The following PACRG variants were observed in gnomAD, a reference collection of about 807,000 sequenced individuals.
PACRG encodes parkin coregulated gene protein.
A neutral mutation model predicts 29.7 loss-of-function variants in PACRG; 29 were observed. That is an observed-to-expected ratio of 0.98 (90% confidence interval 0.73 to 1.33). PACRG has a LOEUF of 1.33. Ranked by LOEUF, PACRG falls within the 40% of genes most tolerant of loss-of-function variation. The pLI, the probability that PACRG is intolerant of heterozygous loss-of-function variation, is 0.00. For synonymous variants in PACRG, 116 were observed against 118.7 expected, an observed-to-expected ratio of 0.98 and a Z score of 0.15; for missense variants, 279 against 316.2, an observed-to-expected ratio of 0.88 and a Z score of 0.89.
At chr6:162,917,990 A>G (rs1796813403) in intron 2 of PACRG, among the ~76,000 whole-genome samples, 1 of 152,168 alleles carries the variant, frequency 6.6e-6, no homozygotes, top group Non-Finnish European at 1.5e-5. Context: ...ACTTAGTTAA[A>G]TTATCTAAAA....
intron 4 of PACRG, among the ~76,000 whole-genome samples, chr6:163,174,231 CA>C (rs200099919): frequency 0.084 from 12,821 of 151,728 alleles, 558 homozygotes; most frequent in South Asian, 0.13. Flanking sequence ...AAACAAATTG[CA>C]AAAAAAATCT....
chr6:162,758,410 G>A (rs1267029807), intron 1 of PACRG, among the ~76,000 whole-genome samples: 3 of 151,978 alleles, frequency 2.0e-5, no homozygotes, highest in Admixed American at 6.6e-5. Flanking sequence ...CTTGACTATA[G>A]CATATTTTCA....
intron 4 of PACRG, among the ~76,000 whole-genome samples, chr6:163,203,331 T>C (rs962767719): frequency 6.6e-6 from 1 of 152,096 alleles, no homozygotes; most frequent in African/African-American, 2.4e-5. Flanking sequence ...GAGAATCACT[T>C]GAGCCCAGGA....
intron 4 of PACRG, among the ~76,000 whole-genome samples, chr6:163,122,558 C>T (rs933263617): frequency 4.6e-5 from 7 of 152,174 alleles, no homozygotes; most frequent in South Asian, 4.1e-4. Context: ...CTCGCTCTCT[C>T]GCTTCCTCTC....
intron 2 of PACRG, among the ~76,000 whole-genome samples, chr6:162,880,521 G>A (rs186980727): frequency 1.5e-3 from 236 of 152,292 alleles, no homozygotes; most frequent in Non-Finnish European, 2.7e-3. Flanking sequence ...GAATATCTGA[G>A]GTAGATGGTG....
intron 3 of PACRG, among the ~76,000 whole-genome samples, chr6:163,079,834 C>T (rs1812904818): frequency 6.6e-6 from 1 of 151,256 alleles, no homozygotes; most frequent in African/African-American, 2.4e-5. Flanking sequence ...ACTGTCTAAA[C>T]CCTGTGGAAA....
At chr6:163,205,245 A>C (rs9458752) in intron 4 of PACRG, among the ~76,000 whole-genome samples, 62,637 of 152,060 alleles carry the variant, frequency 0.41, 14,079 homozygotes, top group African/African-American at 0.61. Flanking sequence ...CCAAAAAGAG[A>C]CTGAATAGCC....
intron 2 of PACRG, among the ~76,000 whole-genome samples, chr6:162,842,655 A>T (rs1789905292): frequency 5.4e-5 from 5 of 91,872 alleles, no homozygotes; most frequent in Admixed American, 2.4e-4. Flanking sequence ...TTAGCTGGTG[A>T]TTTTGCTCGT....
intron 4 of PACRG, among the ~76,000 whole-genome samples, chr6:163,275,557 T>A (rs1371652342): frequency 6.6e-6 from 1 of 152,256 alleles, no homozygotes; most frequent in Non-Finnish European, 1.5e-5. Flanking sequence ...TCTTACTGGA[T>A]CTAAAATTTC....
intron 4 of PACRG, among the ~76,000 whole-genome samples, chr6:163,124,071 T>C (rs1184638326): frequency 6.6e-6 from 1 of 152,256 alleles, no homozygotes; most frequent in Admixed American, 6.5e-5. Flanking sequence ...CTGCTTTCCA[T>C]AGTGGCAGCA....
chr6:162,749,615 G>T (rs1370492894), intron 1 of PACRG, among the ~76,000 whole-genome samples: 2 of 152,050 alleles, frequency 1.3e-5, no homozygotes, highest in Non-Finnish European at 2.9e-5. Context: ...CCACCTCCCG[G>T]GTTCAAGGGA....
chr6:163,184,481 C>T (rs1055661464), intron 4 of PACRG, among the ~76,000 whole-genome samples: 2 of 152,104 alleles, frequency 1.3e-5, no homozygotes, highest in Non-Finnish European at 2.9e-5. Flanking sequence ...TAGAAAAAAG[C>T]GGTGCCTAAA....
At chr6:163,031,306 C>T (rs1003118065) in intron 2 of PACRG, among the ~76,000 whole-genome samples, 2 of 152,120 alleles carry the variant, frequency 1.3e-5, no homozygotes, top group African/African-American at 4.8e-5. Context: ...ACTGTTGGAA[C>T]CAAGCTGGTA....
At chr6:162,733,966 C>A (rs1255819780) in intron 1 of PACRG, among the ~76,000 whole-genome samples, 1 of 152,118 alleles carries the variant, frequency 6.6e-6, no homozygotes, top group Non-Finnish European at 1.5e-5. Flanking sequence ...AGAGAGTAAG[C>A]CCCAGAAGGG....
At chr6:162,854,242 A>C (rs1214188254) in intron 2 of PACRG, among the ~76,000 whole-genome samples, 1 of 151,236 alleles carries the variant, frequency 6.6e-6, no homozygotes, top group Admixed American at 6.6e-5. Flanking sequence ...TCCTGCGCAT[A>C]GTAAGCATTC....
At chr6:162,910,097 C>T (rs1309970273) in intron 2 of PACRG, among the ~76,000 whole-genome samples, 2 of 152,148 alleles carry the variant, frequency 1.3e-5, no homozygotes, top group African/African-American at 4.8e-5. Flanking sequence ...TCTGTTTTCT[C>T]ATATGTAAAA....
chr6:162,937,809 T>A (rs969167656), intron 2 of PACRG, among the ~76,000 whole-genome samples: 1 of 152,136 alleles, frequency 6.6e-6, no homozygotes, highest in Non-Finnish European at 1.5e-5. Context: ...AAACTTCAAA[T>A]CTAGGAAGTG....
At chr6:163,098,638 A>G (rs1037071243) in intron 4 of PACRG, among the ~76,000 whole-genome samples, 1 of 152,128 alleles carries the variant, frequency 6.6e-6, no homozygotes, top group Admixed American at 6.5e-5. Context: ...ATCCAAAGAG[A>G]GCATTCTTGG....
intron 4 of PACRG, among the ~76,000 whole-genome samples, chr6:163,305,662 C>T (rs901116866): frequency 6.6e-6 from 1 of 152,154 alleles, no homozygotes. Flanking sequence ...GAGAAAAGTC[C>T]TTGAAATCAG....
Sources: allele counts gnomAD v4.1 joint callset (sites outside exome capture counted in the v4.1 genomes callset), GRCh38; gene constraint gnomAD v4.1.1; transcripts MANE v1.5; gene names NCBI Gene and HGNC (gene_info 2026-07-23, HGNC 2026-07-21).